Variants in PAM observed in about 807,000 individuals in gnomAD.
The protein encoded by PAM is peptidylglycine alpha-amidating monooxygenase.
PAM carries 72 observed loss-of-function variants against 122.1 expected under a neutral mutation model. The ratio of observed to expected loss-of-function variants is 0.59; its 90% CI spans 0.49 to 0.72. PAM has a LOEUF of 0.72. Ranked by LOEUF, PAM falls within the 30% of genes least tolerant of loss-of-function variation. The pLI, the probability that PAM is intolerant of heterozygous loss-of-function variation, is 0.00. For synonymous variants in PAM, 389 were observed against 404.4 expected (o/e 0.96, Z 0.46); for missense variants, 1,106 against 1,183.7 (o/e 0.93, Z 0.96).
At chr5:102,991,706 G>T (rs1774134958) in intron 16 of PAM, among the ~76,000 whole-genome samples, 1 of 152,134 alleles carries the variant, frequency 6.6e-6, no homozygotes, top group South Asian at 2.1e-4. Context: ...ATCTGAAAAA[G>T]ATCACTTCAG....
chr5:102,878,084 A>G (rs1439748194), intron 3 of PAM, among the ~76,000 whole-genome samples: 2 of 152,144 alleles, frequency 1.3e-5, no homozygotes, highest in Non-Finnish European at 2.9e-5. Flanking sequence ...TATAATTATA[A>G]AGGAATAATC....
chr5:102,884,372 G>T (rs892379203), intron 3 of PAM, among the ~76,000 whole-genome samples: 1 of 151,766 alleles, frequency 6.6e-6, no homozygotes, highest in South Asian at 2.1e-4. Context: ...ATTGATAAAT[G>T]TTTCATTCCT....
chr5:102,995,865 T>A (rs185984624), intron 16 of PAM, among the ~76,000 whole-genome samples: 1 of 152,050 alleles, frequency 6.6e-6, no homozygotes, highest in African/African-American at 2.4e-5. Flanking sequence ...TTAAGTTATA[T>A]TCCATCGAGA....
intron 12 of PAM, among the ~76,000 whole-genome samples, chr5:102,959,639 G>C (rs1334437049): frequency 1.3e-5 from 2 of 152,078 alleles, no homozygotes; most frequent in African/African-American, 4.8e-5. Flanking sequence ...GTGGTATTTA[G>C]TAGTGTTCAT....
intron 4 of PAM, among the ~76,000 whole-genome samples, chr5:102,903,082 A>C (rs1264277899): frequency 6.6e-6 from 1 of 151,654 alleles, no homozygotes; most frequent in Non-Finnish European, 1.5e-5. Context: ...CAGAGTGCTA[A>C]ATGTTTTCAT....
chr5:103,007,075 T>C, intron 19 of PAM, 64 bp downstream of exon 19: 4 of 1,198,946 alleles, frequency 3.3e-6, no homozygotes, highest in Non-Finnish European at 4.8e-6. Context: ...GAACTAAATA[T>C]TGGCCAACAC....
At chr5:102,799,265 C>T (rs1024949182) in intron 1 of PAM, among the ~76,000 whole-genome samples, 14 of 152,174 alleles carry the variant, frequency 9.2e-5, no homozygotes, top group African/African-American at 3.4e-4. Context: ...ATGCTTGCTT[C>T]ACAATGCAAC....
At chr5:102,761,254 C>T (rs1752277993) in intron 1 of PAM, among the ~76,000 whole-genome samples, 1 of 152,150 alleles carries the variant, frequency 6.6e-6, no homozygotes, top group South Asian at 2.1e-4. Context: ...CTTTAAAGTA[C>T]AACTTTAAAT....
At chr5:102,796,419 A>G (rs1763389923) in intron 1 of PAM, among the ~76,000 whole-genome samples, 2 of 152,192 alleles carry the variant, frequency 1.3e-5, no homozygotes, top group South Asian at 4.1e-4. Context: ...GGATATTTGC[A>G]GTTCCACACA....
Position 102,960,046 on chromosome 5 carries a change from T to G in PAM, c.1077T>G (p.His359Gln), listed in dbSNP as rs1194970907. Reference sequence around the variant, plus strand: ...TGAAGTCTGATATGGTTATGATGCATGAACATCATAAAGGTAATAATTGAT... The same window carrying G: ...TGAAGTCTGATATGGTTATGATGCAGGAACATCATAAAGGTAATAATTGAT... ...IPVKSDMVMM[H>Q]EHHKETEYKD... The change falls in exon 13 of 26, where the codon CAT becomes CAG. Residue 359 changes from histidine to glutamine, a missense_variant. By Grantham distance (24) the His-to-Gln change is conservative (BLOSUM62 0). Transcript: ENST00000438793. 4 of 1,574,692 alleles carry G rather than the reference T, an allele frequency of 2.5e-6. No individual in the cohort carries two copies. In the South Asian group the frequency reaches 4.5e-5, roughly 18 times the overall value.
At chr5:102,767,330 T>G (rs1754410415) in intron 1 of PAM, among the ~76,000 whole-genome samples, 2 of 152,162 alleles carry the variant, frequency 1.3e-5, no homozygotes, top group South Asian at 4.1e-4. Flanking sequence ...TTGTGGCGTT[T>G]TATCCAGATT....
chr5:102,970,204 A>G (rs533697815), intron 14 of PAM, among the ~76,000 whole-genome samples: 51 of 152,368 alleles, frequency 3.3e-4, no homozygotes, highest in African/African-American at 1.1e-3. Context: ...ATCAGCAAGT[A>G]GCCCTGCACC....
intron 5 of PAM, among the ~76,000 whole-genome samples, chr5:102,924,669 T>G (rs1225508551): frequency 1.3e-5 from 2 of 151,992 alleles, no homozygotes; most frequent in Non-Finnish European, 2.9e-5. Flanking sequence ...TTACATAGAG[T>G]ACATTCCATG....
At chr5:102,945,367 T>C (rs1260702007) in intron 7 of PAM, among the ~76,000 whole-genome samples, 3 of 151,772 alleles carry the variant, frequency 2.0e-5, no homozygotes, top group African/African-American at 4.8e-5. Flanking sequence ...TTTGACAAAT[T>C]TGGCATGTGG....
At chr5:102,942,751 T>TTTTTTTG (rs3074199) in intron 7 of PAM, among the ~76,000 whole-genome samples, 37 of 151,422 alleles carry the variant, frequency 2.4e-4, no homozygotes, top group African/African-American at 8.0e-4. Flanking sequence ...TTTTTTTTTT[T>TTTTTTTG]GTAGAAATGC....
chr5:102,861,288 A>C (rs192612580), intron 1 of PAM, among the ~76,000 whole-genome samples: 1 of 152,302 alleles, frequency 6.6e-6, no homozygotes, highest in Non-Finnish European at 1.5e-5. Context: ...TATTGTTTTC[A>C]CCTACTATGT....
intron 1 of PAM, among the ~76,000 whole-genome samples, chr5:102,821,658 G>A (rs1771949593): frequency 6.6e-6 from 1 of 152,060 alleles, no homozygotes; most frequent in Non-Finnish European, 1.5e-5. Context: ...TACTCTCACA[G>A]CAAACCTATG....
At chr5:102,912,912 A>G (rs539015950) in intron 4 of PAM, among the ~76,000 whole-genome samples, 4 of 152,176 alleles carry the variant, frequency 2.6e-5, no homozygotes, top group Non-Finnish European at 5.9e-5. Context: ...ACATAGTGCT[A>G]TGTTTTTGGT....
chr5:102,885,617 C>T (rs577372027), intron 3 of PAM, among the ~76,000 whole-genome samples: 1 of 152,082 alleles, frequency 6.6e-6, no homozygotes, highest in African/African-American at 2.4e-5. Context: ...GTCATAACCA[C>T]TCCATGATAC....
Sources: allele counts gnomAD v4.1 joint callset (sites outside exome capture counted in the v4.1 genomes callset), GRCh38; gene constraint gnomAD v4.1.1; transcripts MANE v1.5; gene names NCBI Gene and HGNC (gene_info 2026-07-23, HGNC 2026-07-21).